HIP1: variants seen among roughly 807,000 people sequenced by gnomAD.
HIP1 encodes the protein huntingtin-interacting protein 1.
A neutral mutation model predicts 147.6 loss-of-function variants in HIP1; 65 were observed. That is an observed-to-expected ratio of 0.44 (90% confidence interval 0.36 to 0.54). The LOEUF is 0.54. Among genes scored for constraint, HIP1 ranks in the 20% least tolerant of loss-of-function variants. The pLI, the probability that HIP1 is intolerant of heterozygous loss-of-function variation, is 0.00. For missense variants in HIP1, 1,061 were observed against 1,299.6 expected (o/e 0.82, Z 2.82); for synonymous variants, 479 against 504.0 (o/e 0.95, Z 0.67).
rs587625228 is a variant in HIP1 at position 75,553,818 on chromosome 7, G to A, written c.2159-229C>T. Among the ~76,000 whole-genome samples, 4 of 152,330 alleles carry A rather than the reference G, an allele frequency of 2.6e-5. No homozygotes were observed. The South Asian group carries it at 6.2e-4, about 24-fold the overall frequency. On this transcript the variant is annotated intron_variant, in intron 21 of 30. Coordinates refer to ENST00000336926, the MANE Select transcript of HIP1 (RefSeq NM_005338.7). ...GGGGTTTCGCCATGTTGGCCAGGCT[G>A]GTCTCGAACTCCTGACCTCAGGTGA...
intron 9 of HIP1, among the ~76,000 whole-genome samples, chr7:75,566,968 C>T (rs587695335): frequency 2.7e-5 from 4 of 150,886 alleles, no homozygotes; most frequent in African/African-American, 7.4e-5. Flanking sequence ...AAAAATTAGT[C>T]GGGCATGGTG....
chr7:75,736,224 T>A (rs944995834), intron 1 of HIP1, among the ~76,000 whole-genome samples: 2 of 124,384 alleles, frequency 1.6e-5, no homozygotes, highest in Non-Finnish European at 3.2e-5. Flanking sequence ...ACCTAGACTC[T>A]CCTGTTGGGC....
At chr7:75,539,813 G>A (rs1794238162) in intron 29 of HIP1, among the ~76,000 whole-genome samples, 1 of 152,152 alleles carries the variant, frequency 6.6e-6, no homozygotes, top group Admixed American at 6.5e-5. Flanking sequence ...TCTACTGGAA[G>A]TGAATGATGC....
rs782608258 is a variant in HIP1, at chr7:75,595,242, TTC to T, written c.185-2730_185-2729del. Reference sequence around the variant, plus strand: ...TTTCTTTCTTTCTTTCTTTCTTTCTTTCTTTCTTTCTTCCTTCCTTCCTTCCT... The same window carrying T: ...TTTCTTTCTTTCTTTCTTTCTTTCTTTTTCTTTCTTCCTTCCTTCCTTCCT... On this transcript the variant is annotated intron_variant, in intron 2 of 30. Coordinates refer to ENST00000336926, the MANE Select transcript of HIP1 (RefSeq NM_005338.7). Among the ~76,000 whole-genome samples the T allele has an allele frequency of 1.0e-3, 119 of 117,324 alleles. 2 individuals are homozygous for T. Among genetic ancestry groups the T allele is most frequent in the African/African-American group, 4.5e-3 (116 of 26,038 alleles). 77.0% of individuals were successfully genotyped at this position (117,324 alleles called of 152,430 possible). A position where few individuals can be genotyped will look rare whatever the true frequency, so the allele number is the denominator to read the frequency against.
intron 14 of HIP1, among the ~76,000 whole-genome samples, chr7:75,558,662 G>C (rs1795110087): frequency 6.6e-6 from 1 of 152,074 alleles, no homozygotes; most frequent in Non-Finnish European, 1.5e-5. Flanking sequence ...TTTCTCCCTT[G>C]AAAGTCCTAC....
intron 1 of HIP1, among the ~76,000 whole-genome samples, chr7:75,637,536 ATTTTTTTTTTTTT>A (rs869251770): frequency 5.6e-5 from 4 of 70,868 alleles, no homozygotes; most frequent in Non-Finnish European, 7.8e-5. Flanking sequence ...TGCAGAGAGG[ATTTTTTTTTTTTT>A]TTTTTTTTTT....
At chr7:75,664,510 G>GTGTATATA (rs1799493182) in intron 1 of HIP1, among the ~76,000 whole-genome samples, 3 of 149,370 alleles carry the variant, frequency 2.0e-5, no homozygotes. Flanking sequence ...ATATATGTAT[G>GTGTATATA]TGTATGTATA....
At chr7:75,639,732 T>C (rs544544109) in intron 1 of HIP1, among the ~76,000 whole-genome samples, 1 of 151,460 alleles carries the variant, frequency 6.6e-6, no homozygotes, top group Admixed American at 6.6e-5. Flanking sequence ...GACATTCCAG[T>C]GGGGGCAGGG....
At chr7:75,687,840 A>C (rs1800318064) in intron 1 of HIP1, among the ~76,000 whole-genome samples, 1 of 150,920 alleles carries the variant, frequency 6.6e-6, no homozygotes, top group East Asian at 1.9e-4. Flanking sequence ...CCCAGCCCCT[A>C]CTCCTGAACC....
intron 1 of HIP1, among the ~76,000 whole-genome samples, chr7:75,677,103 G>A (rs1479264102): frequency 1.4e-5 from 2 of 147,084 alleles, no homozygotes; most frequent in African/African-American, 5.0e-5. Flanking sequence ...GCTGAGGCAG[G>A]AGAATCGCTT....
intron 1 of HIP1, among the ~76,000 whole-genome samples, chr7:75,680,838 C>G (rs1180725268): frequency 6.6e-6 from 1 of 152,026 alleles, no homozygotes; most frequent in South Asian, 2.1e-4. Context: ...TGCAGTGACA[C>G]GAATTCGGCT....
chr7:75,725,506 A>T (rs782307551), intron 1 of HIP1, among the ~76,000 whole-genome samples: 6 of 152,078 alleles, frequency 3.9e-5, no homozygotes, highest in Non-Finnish European at 2.9e-5. Flanking sequence ...CCCAAAGATA[A>T]CTTTTACTGG....
chr7:75,717,139 GC>G (rs1343814831), intron 1 of HIP1, among the ~76,000 whole-genome samples: 1 of 152,106 alleles, frequency 6.6e-6, no homozygotes, highest in Non-Finnish European at 1.5e-5. Flanking sequence ...TTCTTACAAA[GC>G]CCTTGCCCAT....
At chr7:75,548,402 C>T (rs1003377250) in intron 23 of HIP1, among the ~76,000 whole-genome samples, 1 of 152,070 alleles carries the variant, frequency 6.6e-6, no homozygotes, top group East Asian at 1.9e-4. Context: ...AGGACCTTCT[C>T]TCATGAGGAC....
At chr7:75,575,917 A>G (rs587689539) in intron 7 of HIP1, among the ~76,000 whole-genome samples, 10 of 152,158 alleles carry the variant, frequency 6.6e-5, no homozygotes, top group Non-Finnish European at 1.2e-4. Context: ...GGCAGCTGAA[A>G]AAAAAAAAAA....
intron 1 of HIP1, among the ~76,000 whole-genome samples, chr7:75,674,502 T>TTTTTTTG (rs782200163): frequency 2.2e-5 from 2 of 91,982 alleles, no homozygotes; most frequent in African/African-American, 5.1e-5. Flanking sequence ...GCTTTTTGTT[T>TTTTTTTG]TTTTTTTTGA....
chr7:75,567,709 G>A lies in HIP1; in HGVS notation c.803+490C>T, dbSNP rs587763210. On this transcript the variant is annotated intron_variant, in intron 9 of 30. Transcript: ENST00000336926. ...TCAGCTACTCGAGAGGCTGATGCAG[G>A]AGAATCACTTGAACCCAGGAGGCGG... 1.5e-3 allele frequency among the ~76,000 whole-genome samples: 223 copies of A among 146,622 alleles called. 4 individuals carry two copies. The highest frequency in any genetic ancestry group is 2.6e-3 in the Non-Finnish European group (178 of 67,994).
chr7:75,542,728 A>C (rs2116734938), intron 28 of HIP1, 123 bp downstream of exon 28: 2 of 976,106 alleles, frequency 2.0e-6, no homozygotes, highest in East Asian at 5.2e-5. Context: ...AAATAAAATA[A>C]AAAGATGAAA....
chr7:75,559,909 G>C lies in HIP1; in HGVS notation c.1198C>G (p.Arg400Gly). The C allele has an allele frequency of 1.2e-6, 2 of 1,600,362 alleles. No homozygotes were observed. Among genetic ancestry groups the C allele is most frequent in the Non-Finnish European group, 1.7e-6 (2 of 1,175,136 alleles). The change falls in exon 14 of 31, where the codon CGG becomes GGG. Residue 400 changes from arginine (R) to glycine (G), a missense_variant. Physicochemically the swap from Arg to Gly is moderately radical, Grantham distance 125 (BLOSUM62 -2). Coordinates refer to ENST00000336926, the MANE Select transcript of HIP1 (RefSeq NM_005338.7). ...TGGCCCTTCAGCTGCAGCACAACCC[G>C]CTGGCTCTGTGGGGGGACTCCGGTC... Reference protein sequence around the residue: ...QLENMKTESQRVVLQLKGHVS... With the variant: ...QLENMKTESQGVVLQLKGHVS...
Sources: gnomAD v4.1 joint callset for allele counts (sites outside exome capture counted in the v4.1 genomes callset) on GRCh38, gnomAD v4.1.1 for gene constraint, MANE v1.5 for transcripts, NCBI Gene and HGNC (gene_info 2026-07-23, HGNC 2026-07-21) for gene names.